The following RGS12 variants were observed in gnomAD, a reference collection of about 807,000 sequenced individuals.
The protein encoded by RGS12 is regulator of G-protein signaling 12.
A neutral mutation model predicts 120.1 loss-of-function variants in RGS12; 66 were observed. The ratio of observed to expected loss-of-function variants is 0.55; its 90% CI spans 0.45 to 0.67. The LOEUF is 0.67. Among genes scored for constraint, RGS12 ranks in the 30% least tolerant of loss-of-function variants. RGS12 has a pLI of 0.00. For missense variants in RGS12, 1,859 were observed against 1,957.7 expected, an observed-to-expected ratio of 0.95 and a Z score of 0.95; for synonymous variants, 827 against 804.7, an observed-to-expected ratio of 1.03 and a Z score of -0.47.
chr4:3,415,048 G>A (rs1041192428), intron 6 of RGS12, among the ~76,000 whole-genome samples: 5 of 136,400 alleles, frequency 3.7e-5, no homozygotes, highest in African/African-American at 1.3e-4. Flanking sequence ...CGTGTGAGAG[G>A]GCCACCTGTG....
At chr4:3,395,690 A>G (rs185228031) in intron 4 of RGS12, among the ~76,000 whole-genome samples, 32 of 152,236 alleles carry the variant, frequency 2.1e-4, no homozygotes, top group African/African-American at 7.5e-4. Flanking sequence ...TCACCTTTTC[A>G]TATATTTTTG....
At chr4:3,423,422 C>T (rs1723250790) in intron 12 of RGS12, 93 bp from the exon 13 acceptor site, 23 of 1,517,458 alleles carry the variant, frequency 1.5e-5, no homozygotes, top group South Asian at 2.4e-5. Context: ...GCCTTGAGGG[C>T]GGCCTGGGGC....
chr4:3,430,909 G>A lies in RGS12; in HGVS notation c.4068G>A (p.Leu1356=), dbSNP rs1278403554. Residue 1356 remains leucine, a synonymous_variant, in exon 17 of 18, where the codon CTG becomes CTA. Coordinates refer to ENST00000336727, the MANE Select transcript of RGS12 (RefSeq NM_001394154.1). ...TCAGCAGCCCCAACAGCACCTTGCTGCCGCCGCCCTCCACCCCCCAGGAAG... is the reference window on the plus strand; with the variant it reads ...TCAGCAGCCCCAACAGCACCTTGCTACCGCCGCCCTCCACCCCCCAGGAAG... ...GDISSPNSTL[L]PPPSTPQEVP... The A allele has an allele frequency of 1.2e-6, 2 of 1,612,830 alleles. No individual in the cohort carries two copies. Among genetic ancestry groups the A allele is most frequent in the South Asian group, 2.2e-5 (2 of 91,066 alleles).
intron 17 of RGS12, 41 bp downstream of exon 17, chr4:3,430,996 C>G: frequency 6.2e-7 from 1 of 1,600,160 alleles, no homozygotes; most frequent in African/African-American, 1.3e-5. Flanking sequence ...GCCCCGTAAG[C>G]GTGGTCTGCT....
intron 3 of RGS12, among the ~76,000 whole-genome samples, chr4:3,383,563 T>C (rs1200683898): frequency 6.6e-6 from 1 of 152,054 alleles, no homozygotes. Flanking sequence ...GCCATCATTA[T>C]GCCACTGTAC....
intron 2 of RGS12, among the ~76,000 whole-genome samples, chr4:3,320,153 G>T (rs1313656864): frequency 9.2e-5 from 14 of 152,252 alleles, no homozygotes; most frequent in Admixed American, 9.2e-4. Context: ...AAGTGACCTG[G>T]ACAGTGGGGA....
At chr4:3,343,088 C>G (rs1198621256) in intron 3 of RGS12, 35 bp downstream of exon 3, 2 of 1,520,236 alleles carry the variant, frequency 1.3e-6, no homozygotes, top group African/African-American at 2.7e-5. Flanking sequence ...TTTTCTCCTT[C>G]AAGTTTTAAA....
intron 1 of RGS12, among the ~76,000 whole-genome samples, chr4:3,303,835 G>A (rs1348652856): frequency 6.6e-6 from 1 of 152,188 alleles, no homozygotes; most frequent in Non-Finnish European, 1.5e-5. Flanking sequence ...GACTGTAATA[G>A]TATATACCTT....
At chr4:3,367,870 C>T (rs1479333437) in intron 3 of RGS12, among the ~76,000 whole-genome samples, 3 of 152,210 alleles carry the variant, frequency 2.0e-5, no homozygotes, top group Non-Finnish European at 2.9e-5. Context: ...TGTTAGTGAC[C>T]GGACAGCAAC....
At chr4:3,298,997 C>A (rs1723529542) in intron 1 of RGS12, among the ~76,000 whole-genome samples, 1 of 152,210 alleles carries the variant, frequency 6.6e-6, no homozygotes, top group South Asian at 2.1e-4. Flanking sequence ...TGGGCCACAT[C>A]TTCCTGTTTC....
chr4:3,417,542 G>C lies in RGS12; in HGVS notation c.2761+1G>C. The C allele has an allele frequency of 6.2e-7, 1 of 1,612,386 alleles. No individual in the cohort carries two copies. Among genetic ancestry groups the C allele is most frequent in the Non-Finnish European group, 8.5e-7 (1 of 1,179,668 alleles). On this transcript the variant is annotated splice_donor_variant, in intron 9 of 17. Transcript: ENST00000336727. LOFTEE classifies it high-confidence loss of function. ...AGGGAGCACGGGGACCACGCAGACGGTTTGTGGGGTGGCTCCTGGGCTGTG... is the reference window on the plus strand; with the variant it reads ...AGGGAGCACGGGGACCACGCAGACGCTTTGTGGGGTGGCTCCTGGGCTGTG...
At chr4:3,387,146 C>T (rs989955537) in intron 4 of RGS12, among the ~76,000 whole-genome samples, 1 of 152,222 alleles carries the variant, frequency 6.6e-6, no homozygotes, top group Non-Finnish European at 1.5e-5. Flanking sequence ...TCACCTCACG[C>T]TTTTGTCCCC....
At chr4:3,306,026 A>T (rs1375480672) in intron 1 of RGS12, among the ~76,000 whole-genome samples, 3 of 152,184 alleles carry the variant, frequency 2.0e-5, no homozygotes, top group Non-Finnish European at 2.9e-5. Context: ...CCATTCCATC[A>T]GGCACGAGCC....
rs570668071 is a variant in RGS12, at chr4:3,305,791, G to A, written c.-101-10279G>A. 9.7e-4 allele frequency among the ~76,000 whole-genome samples: 148 copies of A among 152,336 alleles called. 2 individuals carry two copies. The highest frequency in any genetic ancestry group is 1.2e-3 in the Non-Finnish European group (85 of 68,030). ...GTGTCATGATTTGGGACTGATAACT[G>A]TCCCTCTGCCCTTGGAGGCTTTGAT... On this transcript the variant is annotated intron_variant, in intron 1 of 17. Coordinates refer to ENST00000336727, the MANE Select transcript of RGS12 (RefSeq NM_001394154.1).
At chr4:3,342,868 C>A in intron 2 of RGS12, 69 bp from the exon 3 acceptor site, 2 of 999,708 alleles carry the variant, frequency 2.0e-6, no homozygotes, top group South Asian at 1.3e-5. Flanking sequence ...TCTGCTATGC[C>A]ATGCATTGGA....
chr4:3,393,736 C>T (rs1560142427), intron 4 of RGS12, among the ~76,000 whole-genome samples: 1 of 152,188 alleles, frequency 6.6e-6, no homozygotes, highest in Non-Finnish European at 1.5e-5. Context: ...GAGGGGAAGG[C>T]CTGTCCCAGG....
intron 2 of RGS12, chr4:3,342,267 T>C: frequency 2.4e-6 from 1 of 423,274 alleles, no homozygotes. Context: ...ATGCTTTTTG[T>C]TTTTAAGAGG....
At chr4:3,312,286 A>G (rs1216669150) in intron 1 of RGS12, among the ~76,000 whole-genome samples, 1 of 152,226 alleles carries the variant, frequency 6.6e-6, no homozygotes, top group African/African-American at 2.4e-5. Flanking sequence ...TTATTTTGGG[A>G]GGCCAAGGTG....
rs1368867583 is a variant in RGS12, at chr4:3,372,903, G to T, written c.1999-13513G>T. Among the ~76,000 whole-genome samples, 2 of 152,206 alleles carry T rather than the reference G, an allele frequency of 1.3e-5. No homozygotes were observed. The highest frequency in any genetic ancestry group is 4.8e-5 in the African/African-American group (2 of 41,452). On this transcript the variant is annotated intron_variant, in intron 3 of 17. Transcript: ENST00000336727. The surrounding 1 kb of genome is among the most constrained non-coding windows in gnomAD (Gnocchi z 4.3). ...AATATTTTAAAAATCTTTAAAAAGGGTTGCACTGTTTAAAAACGTGGAATA... is the reference window on the plus strand; with the variant it reads ...AATATTTTAAAAATCTTTAAAAAGGTTTGCACTGTTTAAAAACGTGGAATA...
Sources: allele counts gnomAD v4.1 joint callset (sites outside exome capture counted in the v4.1 genomes callset), GRCh38; gene constraint gnomAD v4.1.1; non-coding constraint Gnocchi (gnomAD v3.1); transcripts MANE v1.5; gene names NCBI Gene and HGNC (gene_info 2026-07-23, HGNC 2026-07-21).